Variants in GRSF1 observed in about 807,000 individuals in gnomAD.
The protein encoded by GRSF1 is G-rich RNA sequence binding factor 1, also known as G-rich sequence factor 1.
In GRSF1, 50 loss-of-function variants were observed where a neutral mutation model predicts 51.1. The observed-to-expected ratio is 0.98, with a 90% CI of 0.78 to 1.24. GRSF1 has a LOEUF of 1.24. Among genes scored for constraint, GRSF1 ranks in the 50% most tolerant of loss-of-function variants. GRSF1 has a pLI of 0.00. For synonymous variants in GRSF1, 293 were observed against 253.3 expected (o/e 1.16, Z -1.49); for missense variants, 700 against 639.7 (o/e 1.09, Z -1.02).
intron 1 of GRSF1, 162 bp downstream of exon 1, chr4:70,839,309 G>A (rs898359911): frequency 2.1e-5 from 32 of 1,501,698 alleles, no homozygotes; most frequent in Admixed American, 4.0e-5. Flanking sequence ...CTTGTTCCAG[G>A]GCCCAATAGG....
chr4:70,833,015 T>A, intron 3 of GRSF1, 103 bp downstream of exon 3: 2 of 1,026,788 alleles, frequency 1.9e-6, no homozygotes, highest in African/African-American at 3.2e-5. Flanking sequence ...AATGCATTCA[T>A]ACAATCTAAA....
At chr4:70,838,738 T>C (rs554146393) in intron 1 of GRSF1, 77 of 156,780 alleles carry the variant, frequency 4.9e-4, no homozygotes, top group South Asian at 4.3e-3. Context: ...AAGGAAAACA[T>C]TGCAAATTCA....
intron 6 of GRSF1, among the ~76,000 whole-genome samples, chr4:70,827,615 T>TAA (rs1327412206): frequency 1.3e-5 from 2 of 151,888 alleles, no homozygotes; most frequent in African/African-American, 4.8e-5. Flanking sequence ...CTATCTCTAC[T>TAA]AAAAATATAA....
chr4:70,827,964 G>A lies in GRSF1; in HGVS notation c.1023C>T (p.Ile341=), dbSNP rs752221653. ...THVGSYKGKK[I]ASFPTAKYIT... is the part of the protein sequence containing the mutation. The stretch of plus-strand genomic sequence containing the variant: ...TATACTTAGCAGTAGGAAAAGATGC[G>A]ATTTTCTTTCCCTTATAAGAACCGA... Residue 341 remains isoleucine (I), a synonymous_variant, in exon 6 of 10, where the codon ATC becomes ATT. Coordinates refer to ENST00000254799, the MANE Select transcript of GRSF1 (RefSeq NM_002092.4). 6.2e-6 allele frequency: 10 copies of A among 1,611,586 alleles called. No individual in the cohort carries two copies. Among genetic ancestry groups the A allele is most frequent in the African/African-American group, 5.3e-5 (4 of 75,004 alleles).
upstream of GRSF1, chr4:70,840,075 T>C: frequency 2.7e-6 from 1 of 374,718 alleles, no homozygotes; most frequent in Non-Finnish European, 4.8e-6. Context: ...CTGCCCATGG[T>C]TTGGGCGGGG....
At chr4:70,836,407 C>T in intron 1 of GRSF1, 93 bp from the exon 2 acceptor site, 1 of 944,150 alleles carries the variant, frequency 1.1e-6, no homozygotes, top group African/African-American at 1.7e-5. Flanking sequence ...TACAAACTAA[C>T]ATTCTAGATG....
In GRSF1 at chr4:70,827,939, T is replaced by C. The variant is rs564277361; in HGVS notation, c.1048A>G (p.Ile350Val). The C allele has an allele frequency of 4.3e-6, 7 of 1,610,314 alleles. No individual in the cohort carries two copies. The highest frequency in any genetic ancestry group is 2.7e-5 in the African/African-American group (2 of 75,018). ...TCAAAGACCATTTCTGGCTCAGTTA[T>C]ATACTTAGCAGTAGGAAAAGATGCG... The part of the protein sequence containing the change: ...KIASFPTAKY[I>V]TEPEMVFEEH... Residue 350 changes from isoleucine (I) to valine (V), a missense_variant, in exon 6 of 10, where the codon ATA becomes GTA. Ile to Val is a conservative substitution (Grantham distance 29, BLOSUM62 3). Coordinates refer to ENST00000254799, the MANE Select transcript of GRSF1 (RefSeq NM_002092.4).
At chr4:70,837,633 A>C (rs998384879) in intron 1 of GRSF1, among the ~76,000 whole-genome samples, 3 of 149,138 alleles carry the variant, frequency 2.0e-5, no homozygotes, top group Non-Finnish European at 4.4e-5. Flanking sequence ...ACTATCTGTC[A>C]TTTTCTTTTC....
At position 70,825,330 on chromosome 4, in the gene GRSF1, A is replaced by G; in HGVS notation, c.1359T>C (p.Ala453=). Residue 453 remains alanine (A), a synonymous_variant, in exon 8 of 10, where the codon GCT becomes GCC. Coordinates refer to ENST00000254799, the MANE Select transcript of GRSF1 (RefSeq NM_002092.4). ...ACCGATCCTTGAGCATCGCTGCAACAGCATCCTCATGGGTCTCAAAGTGCA... is the reference window on the plus strand; with the variant it reads ...ACCGATCCTTGAGCATCGCTGCAACGGCATCCTCATGGGTCTCAAAGTGCA... ...ADVHFETHED[A]VAAMLKDRSH... 6.2e-7 allele frequency: 1 copy of G among 1,610,994 alleles called. No individual in the cohort carries two copies. The highest frequency in any genetic ancestry group is 8.5e-7 in the Non-Finnish European group (1 of 1,177,670).
intron 5 of GRSF1, 57 bp from the exon 6 acceptor site, chr4:70,828,093 C>T: frequency 1.6e-6 from 2 of 1,239,542 alleles, no homozygotes; most frequent in Non-Finnish European, 2.3e-6. Context: ...TTATACTGAA[C>T]TCATTTAAAA....
chr4:70,839,058 G>T, intron 1 of GRSF1: 1 of 1,137,042 alleles, frequency 8.8e-7, no homozygotes, highest in Non-Finnish European at 1.2e-6. Context: ...CAGGCCTAGC[G>T]CTCGGGCTGC....
intron 5 of GRSF1, among the ~76,000 whole-genome samples, chr4:70,830,461 A>AAAAAC (rs1553928339): frequency 1.3e-4 from 19 of 150,556 alleles, no homozygotes; most frequent in African/African-American, 4.6e-4. Flanking sequence ...AAAAAAAAAA[A>AAAAAC]ACACACACAC....
rs1259517406 is a variant in GRSF1, at chr4:70,831,657, T to C, written c.832A>G (p.Ile278Val). 14 of 1,613,284 alleles carry C rather than the reference T, an allele frequency of 8.7e-6. No homozygotes were observed. Among genetic ancestry groups the C allele is most frequent in the Middle Eastern group, 1.6e-4 (1 of 6,082 alleles). The change falls in exon 5 of 10, where the codon ATT becomes GTT. Residue 278 changes from isoleucine (I) to valine (V), a missense_variant. Transcript: ENST00000254799. ...DFFAGLNIVD[I>V]TFVMDYRGRR... ...CCTCTATAGTCCATCACAAAAGTAA[T>C]GTCAACTATATTCAGTCCTAGGACA...
chr4:70,823,596 G>A (rs1476366580), intron 9 of GRSF1, among the ~76,000 whole-genome samples: 3 of 151,146 alleles, frequency 2.0e-5, no homozygotes, highest in Admixed American at 1.3e-4. Context: ...GGTGCCAGGC[G>A]GGGTGGCTCA....
chr4:70,838,705 T>TA lies in GRSF1; in HGVS notation c.357+765dup, dbSNP rs533462859. 9.9e-5 allele frequency among the ~76,000 whole-genome samples: 15 copies of TA among 152,178 alleles called. No homozygotes were observed. The East Asian group carries it at 1.9e-3, about 20-fold the overall frequency. On this transcript the variant is annotated intron_variant, in intron 1 of 9. Transcript: ENST00000254799. ...CAATCTAACTACACACCGACTTTTC[T>TA]AAAAAAATAAAGAAAAAATGGAAAG...
rs549661194 is a variant in GRSF1, at chr4:70,830,311, G to A, written c.950+1228C>T. On this transcript the variant is annotated intron_variant, in intron 5 of 9. Transcript: ENST00000254799. ...ACACATACACACAGCCAGGTGTGGCGGCACATGCCTATTGTTCTAGCTAGT... is the reference window on the plus strand; with the variant it reads ...ACACATACACACAGCCAGGTGTGGCAGCACATGCCTATTGTTCTAGCTAGT... 2.9e-4 allele frequency among the ~76,000 whole-genome samples: 44 copies of A among 152,112 alleles called. No individual in the cohort carries two copies. In the Middle Eastern group the frequency reaches 0.01, roughly 35 times the overall value.
upstream of GRSF1, among the ~76,000 whole-genome samples, chr4:70,840,134 A>G (rs1295742486): frequency 9.7e-5 from 4 of 41,152 alleles, no homozygotes; most frequent in African/African-American, 4.4e-4. Context: ...GGGGCTGCCC[A>G]TGGTTTGGGC....
chr4:70,833,331 T>A, intron 2 of GRSF1, 58 bp from the exon 3 acceptor site: 2 of 1,463,886 alleles, frequency 1.4e-6, no homozygotes, highest in Non-Finnish European at 1.9e-6. Context: ...AGCTCAATTA[T>A]GTAAGTCACA....
intron 2 of GRSF1, among the ~76,000 whole-genome samples, chr4:70,835,186 G>A (rs961262670): frequency 2.7e-5 from 4 of 150,398 alleles, no homozygotes; most frequent in Non-Finnish European, 4.4e-5. Flanking sequence ...GCTCACGCCT[G>A]TAATCCCAGC....
Sources: gnomAD v4.1 joint callset for allele counts (sites outside exome capture counted in the v4.1 genomes callset) on GRCh38, gnomAD v4.1.1 for gene constraint, MANE v1.5 for transcripts, NCBI Gene and HGNC (gene_info 2026-07-23, HGNC 2026-07-21) for gene names.